ADGRE3: variants seen among roughly 807,000 people sequenced by gnomAD.
ADGRE3 encodes the protein adhesion G protein-coupled receptor E3.
In ADGRE3, 88 loss-of-function variants were observed where a neutral mutation model predicts 80.1. That is an observed-to-expected ratio of 1.10 (90% confidence interval 0.93 to 1.31). The LOEUF is 1.31. ADGRE3 is among the 40% of genes most tolerant of loss of function. The pLI is 0.00. For missense variants in ADGRE3, 715 were observed against 776.5 expected, an observed-to-expected ratio of 0.92 and a Z score of 0.94; for synonymous variants, 281 against 294.8, an observed-to-expected ratio of 0.95 and a Z score of 0.48.
At chr19:14,604,431 A>G in the ADGRE3 span, among the ~76,000 whole-genome samples, 7 of 152,114 alleles carry the variant, frequency 4.6e-5, no homozygotes, top group Non-Finnish European at 8.8e-5. Context: ...CTATAACGAC[A>G]GAAATATTTT....
chr19:14,629,963 C>A, intron 14 of ADGRE3, 76 bp downstream of exon 14: 1 of 936,242 alleles, frequency 1.1e-6, no homozygotes, highest in Non-Finnish European at 1.6e-6. Flanking sequence ...TAGAGAATGT[C>A]AACTTAAATC....
chr19:14,666,666 C>G (rs528610245), intron 2 of ADGRE3, among the ~76,000 whole-genome samples: 1 of 152,282 alleles, frequency 6.6e-6, no homozygotes, highest in Admixed American at 6.5e-5. Context: ...CGTGAGCCAC[C>G]GTGCCTGGCC....
intron 8 of ADGRE3, among the ~76,000 whole-genome samples, chr19:14,646,184 G>A (rs1316461994): frequency 6.6e-6 from 1 of 151,952 alleles, no homozygotes. Flanking sequence ...GTGCAGTGGC[G>A]CGATCTTGGC....
the ADGRE3 span, among the ~76,000 whole-genome samples, chr19:14,603,039 CA>C: frequency 6.6e-6 from 1 of 152,168 alleles, no homozygotes; most frequent in Non-Finnish European, 1.5e-5. Flanking sequence ...CTGGCCAAAA[CA>C]GGGCTTTTGA....
chr19:14,615,202 C>CTTTTTTTTTTTT (rs34167082), downstream of ADGRE3, among the ~76,000 whole-genome samples: 1 of 65,634 alleles, frequency 1.5e-5, no homozygotes, highest in African/African-American at 5.7e-5. Flanking sequence ...CAGCTGCCTT[C>CTTTTTTTTTTTT]TTTTTTTTTT....
intron 9 of ADGRE3, 41 bp from the exon 10 acceptor site, chr19:14,641,657 A>C (rs760432327): frequency 1.9e-6 from 3 of 1,603,040 alleles, no homozygotes; most frequent in Non-Finnish European, 2.6e-6. Context: ...GCTTTCCTGC[A>C]CTGGGATTAT....
At chr19:14,605,910 T>A in the ADGRE3 span, among the ~76,000 whole-genome samples, 1 of 152,088 alleles carries the variant, frequency 6.6e-6, no homozygotes, top group Non-Finnish European at 1.5e-5. Flanking sequence ...GGCTAATTTT[T>A]AAAAATTTTT....
At chr19:14,664,572 G>T (rs1361869533) in intron 2 of ADGRE3, among the ~76,000 whole-genome samples, 1 of 152,038 alleles carries the variant, frequency 6.6e-6, no homozygotes, top group Non-Finnish European at 1.5e-5. Flanking sequence ...AGCCAGTCAT[G>T]GTGGCATGTG....
Position 14,630,050 on chromosome 19 carries a change from G to C in ADGRE3, c.1801C>G (p.Leu601Val). Reference sequence around the variant, plus strand: ...GGGTCAGTGTTTACCTGCTGGCTGAGGAGGCAGTAGACCAAGAAGATGAAG... The same window carrying C: ...GGGTCAGTGTTTACCTGCTGGCTGACGAGGCAGTAGACCAAGAAGATGAAG... ...GFFIFLVYCLLSQQVQKQYQK... is the reference protein window; with the variant it reads ...GFFIFLVYCLVSQQVQKQYQK... Residue 601 changes from leucine (L) to valine (V), a missense_variant, in exon 14 of 16, where the codon CTC becomes GTC. Physicochemically the swap from Leu to Val is conservative, Grantham distance 32. Coordinates refer to ENST00000253673, the MANE Select transcript of ADGRE3 (RefSeq NM_032571.5). 6.2e-7 allele frequency: 1 copy of C among 1,605,590 alleles called. No individual in the cohort carries two copies. Among genetic ancestry groups the C allele is most frequent in the Non-Finnish European group, 8.5e-7 (1 of 1,175,844 alleles).
chr19:14,643,892 G>A (rs2146846836), intron 9 of ADGRE3, among the ~76,000 whole-genome samples: 1 of 152,064 alleles, frequency 6.6e-6, no homozygotes, highest in South Asian at 2.1e-4. Context: ...TGTATTTTTA[G>A]CAGAGATGGG....
In ADGRE3 at chr19:14,636,132, T is replaced by TCC. The variant is rs1463137457; in HGVS notation, c.1484+1972_1484+1973insGG. 2.7e-3 allele frequency among the ~76,000 whole-genome samples: 234 copies of TCC among 87,924 alleles called. 20 individuals carry two copies. The highest frequency in any genetic ancestry group is 7.8e-3 in the Admixed American group (54 of 6,930). The allele number at this position is 87,924 out of a possible 152,430, so 57.7% of individuals were successfully genotyped here. A position where few individuals can be genotyped will look rare whatever the true frequency, so the allele number is the denominator to read the frequency against. On this transcript the variant is annotated intron_variant, in intron 11 of 15. Transcript: ENST00000253673. ...TTTCTTTCTTTCTTTCTTTCTTTCT[T>TCC]TCTTTCTTTCTTTCTTTCTTCCTTT...
intron 11 of ADGRE3, 35 bp from the exon 12 acceptor site, chr19:14,633,337 T>G: frequency 6.7e-7 from 1 of 1,503,152 alleles, no homozygotes; most frequent in Non-Finnish European, 9.2e-7. Flanking sequence ...CAAAGAGAGA[T>G]CAGAGAAAGT....
chr19:14,669,958 T>C (rs919169782), intron 1 of ADGRE3, among the ~76,000 whole-genome samples: 2 of 152,126 alleles, frequency 1.3e-5, no homozygotes, highest in African/African-American at 4.8e-5. Flanking sequence ...AAATTACCTA[T>C]TCGGTACAAT....
chr19:14,651,510 G>A (rs1056863206), intron 6 of ADGRE3, among the ~76,000 whole-genome samples: 1 of 152,218 alleles, frequency 6.6e-6, no homozygotes, highest in Non-Finnish European at 1.5e-5. Flanking sequence ...CAACTCTATA[G>A]ATGAGGAAAC....
At chr19:14,657,492 C>T (rs1399170040) in intron 5 of ADGRE3, among the ~76,000 whole-genome samples, 3 of 151,986 alleles carry the variant, frequency 2.0e-5, no homozygotes, top group African/African-American at 7.3e-5. Context: ...TACACACACA[C>T]TCACACACTG....
chr19:14,612,601 C>T, the ADGRE3 span, among the ~76,000 whole-genome samples: 2 of 152,104 alleles, frequency 1.3e-5, no homozygotes, highest in Non-Finnish European at 2.9e-5. Context: ...CCCCAAAGTG[C>T]TGGGATTACA....
chr19:14,661,431 C>T (rs1015955298), intron 4 of ADGRE3, among the ~76,000 whole-genome samples: 3 of 152,178 alleles, frequency 2.0e-5, no homozygotes, highest in Non-Finnish European at 4.4e-5. Flanking sequence ...GGCATGGCTA[C>T]GCATCGTTTT....
chr19:14,660,893 C>CA (rs1031745967), intron 4 of ADGRE3, among the ~76,000 whole-genome samples: 1 of 136,248 alleles, frequency 7.3e-6, no homozygotes, highest in Admixed American at 7.4e-5. Context: ...TTGGTTGGGG[C>CA]AAAAAAAATG....
rs550148188 is a variant in ADGRE3, at chr19:14,642,129, C to T, written c.1051-513G>A. 9.7e-4 allele frequency among the ~76,000 whole-genome samples: 148 copies of T among 152,132 alleles called. 6 individuals are homozygous for T. In the South Asian group the frequency reaches 0.029, roughly 30 times the overall value. On this transcript the variant is annotated intron_variant, in intron 9 of 15. Coordinates refer to ENST00000253673, the MANE Select transcript of ADGRE3 (RefSeq NM_032571.5). ...AGATGGATGGTGGTTGATGATTGCACGATATGATTGTACTTTACTGAACTG... is the reference window on the plus strand; with the variant it reads ...AGATGGATGGTGGTTGATGATTGCATGATATGATTGTACTTTACTGAACTG...
Sources: allele counts gnomAD v4.1 joint callset (sites outside exome capture counted in the v4.1 genomes callset), GRCh38; gene constraint gnomAD v4.1.1; transcripts MANE v1.5; gene names NCBI Gene and HGNC (gene_info 2026-07-23, HGNC 2026-07-21).